TBCE: variants seen among roughly 807,000 people sequenced by gnomAD.
The protein encoded by TBCE is tubulin-specific chaperone E.
A neutral mutation model predicts 77.0 loss-of-function variants in TBCE; 53 were observed. The observed-to-expected ratio is 0.69, with a 90% CI of 0.55 to 0.87. The LOEUF (loss-of-function observed/expected upper bound fraction) is 0.87. TBCE is among the 40% of genes least tolerant of loss of function. The pLI is 0.00. For missense variants in TBCE, 624 were observed against 622.4 expected, an observed-to-expected ratio of 1.00 and a Z score of -0.03; for synonymous variants, 235 against 241.3, an observed-to-expected ratio of 0.97 and a Z score of 0.24.
At position 235,438,718 on chromosome 1, in the gene TBCE, T is replaced by C. The variant is rs746339857; in HGVS notation, c.1117-51T>C. ...GACAAGGTGCAAAACGCAAAGGACA[T>C]GTTAGAAAAAAGCTTTGTAATAGGC... On this transcript the variant is annotated intron_variant, in intron 12 of 16. Transcript: ENST00000642610. 11 of 1,612,708 alleles carry C rather than the reference T, an allele frequency of 6.8e-6. No homozygotes were observed. The South Asian group carries it at 1.1e-4, about 16-fold the overall frequency.
chr1:235,410,303 C>T (rs758019808), intron 3 of TBCE, among the ~76,000 whole-genome samples: 16 of 152,078 alleles, frequency 1.1e-4, no homozygotes, highest in Admixed American at 2.6e-4. Flanking sequence ...AGAACAGTCC[C>T]GAGGACTGCT....
At chr1:235,408,161 C>G (rs1171110178) in intron 3 of TBCE, among the ~76,000 whole-genome samples, 2 of 152,088 alleles carry the variant, frequency 1.3e-5, no homozygotes, top group Non-Finnish European at 2.9e-5. Flanking sequence ...AGAAACAAAG[C>G]CCTAGCAATA....
chr1:235,442,961 G>A (rs779162506), intron 15 of TBCE, 50 bp downstream of exon 15: 3 of 1,587,408 alleles, frequency 1.9e-6, no homozygotes, highest in Non-Finnish European at 8.6e-7. Flanking sequence ...CATCGGCCTA[G>A]GTATGAGTCA....
chr1:235,438,185 A>G (rs1681585756), intron 12 of TBCE, among the ~76,000 whole-genome samples: 1 of 152,236 alleles, frequency 6.6e-6, no homozygotes, highest in Non-Finnish European at 1.5e-5. Flanking sequence ...CTCCAGGCAG[A>G]CCTGGGGGAG....
chr1:235,411,526 T>TCTA (rs1214857124), intron 3 of TBCE, among the ~76,000 whole-genome samples: 3 of 152,174 alleles, frequency 2.0e-5, no homozygotes, highest in African/African-American at 7.2e-5. Context: ...AAGAGAGGGT[T>TCTA]CTAGGATCTT....
At chr1:235,410,434 G>T (rs537906581) in intron 3 of TBCE, among the ~76,000 whole-genome samples, 10 of 152,202 alleles carry the variant, frequency 6.6e-5, no homozygotes, top group Admixed American at 5.2e-4. Context: ...TTTGTAAACT[G>T]TCATGGTGCT....
chr1:235,434,365 ATT>A, intron 8 of TBCE, 85 bp downstream of exon 8: 1 of 1,225,846 alleles, frequency 8.2e-7, no homozygotes, highest in Non-Finnish European at 1.2e-6. Flanking sequence ...TCTAACCTTA[ATT>A]TTTAGAAGGA....
chr1:235,407,757 G>C (rs546561548), intron 3 of TBCE, among the ~76,000 whole-genome samples: 2 of 152,194 alleles, frequency 1.3e-5, no homozygotes, highest in African/African-American at 2.4e-5. Flanking sequence ...CCAGTCACCC[G>C]TGTCCTTCCT....
intron 5 of TBCE, among the ~76,000 whole-genome samples, chr1:235,425,859 CCT>C (rs895853390): frequency 1.2e-4 from 18 of 152,094 alleles, no homozygotes; most frequent in African/African-American, 4.1e-4. Context: ...GCTCAGATGC[CCT>C]CTTAGAGGAG....
In TBCE at chr1:235,442,903, A is replaced by T. The variant is rs1452158703; in HGVS notation, c.1391A>T (p.Gln464Leu). The change falls in exon 15 of 17, where the codon CAA (glutamine) becomes CTA (leucine). Residue 464 changes from glutamine to leucine, a missense_variant. Transcript: ENST00000642610. ...HQLDQKVLEK[Q>L]LPGSMTIQKV... ...CTTGATCAGAAAGTCCTGGAGAAAC[A>T]ACTGCCGGGTAAGAAGAACCAGCCT... is the stretch of plus-strand genomic sequence containing the variant. The T allele has an allele frequency of 5.0e-6, 8 of 1,614,144 alleles. No homozygotes were observed. The South Asian group carries it at 7.7e-5, about 16-fold the overall frequency.
At chr1:235,401,641 C>T in intron 3 of TBCE, 54 bp downstream of exon 3, 1 of 1,429,142 alleles carries the variant, frequency 7.0e-7, no homozygotes, top group Non-Finnish European at 9.9e-7. Flanking sequence ...ATATTTAATA[C>T]TTGAATAAGG....
intron 4 of TBCE, among the ~76,000 whole-genome samples, chr1:235,416,474 C>T (rs751263186): frequency 6.6e-6 from 1 of 151,840 alleles, no homozygotes; most frequent in Non-Finnish European, 1.5e-5. Flanking sequence ...TGCAGTGAGA[C>T]ATGATTGCAC....
At chr1:235,391,184 A>G (rs1678362085) in intron 2 of TBCE, among the ~76,000 whole-genome samples, 1 of 152,112 alleles carries the variant, frequency 6.6e-6, no homozygotes, top group Non-Finnish European at 1.5e-5. Flanking sequence ...AAAGGTTTCA[A>G]AAATATAGAA....
intron 3 of TBCE, among the ~76,000 whole-genome samples, chr1:235,402,690 T>A (rs1054328187): frequency 6.6e-6 from 1 of 152,146 alleles, no homozygotes; most frequent in African/African-American, 2.4e-5. Context: ...AGTGGCATGA[T>A]CATGACTCAC....
At position 235,449,768 on chromosome 1, in the gene TBCE, T is replaced by G. The variant is rs965498622; in HGVS notation, c.*1006T>G. ...ATCACACAGCATTCCTGTGAGTTCC[T>G]TTTTGTCTGATAATTATCCTAATTA... On this transcript the variant is annotated 3_prime_UTR_variant, in exon 17 of 17. Coordinates refer to ENST00000642610, the MANE Select transcript of TBCE (RefSeq NM_003193.5). 1 of 154,086 alleles carries G rather than the reference T, an allele frequency of 6.5e-6. No individual in the cohort carries two copies. The highest frequency in any genetic ancestry group is 2.4e-5 in the African/African-American group (1 of 41,418). 9.5% of individuals were successfully genotyped at this position (154,086 alleles called of 1,614,324 possible).
At chr1:235,401,355 GAGTATA>G in intron 2 of TBCE, 142 bp from the exon 3 acceptor site, 2 of 691,076 alleles carry the variant, frequency 2.9e-6, no homozygotes, top group Non-Finnish European at 5.3e-6. Flanking sequence ...TTGAAGTCCT[GAGTATA>G]AGGCTAACTT....
At chr1:235,432,389 G>A (rs1337878593) in intron 7 of TBCE, among the ~76,000 whole-genome samples, 3 of 152,208 alleles carry the variant, frequency 2.0e-5, no homozygotes, top group Non-Finnish European at 4.4e-5. Context: ...GGCCCCTTGT[G>A]CCCTTAATAT....
chr1:235,374,044 G>T (rs976243696), intron 1 of TBCE, among the ~76,000 whole-genome samples: 3 of 145,430 alleles, frequency 2.1e-5, no homozygotes, highest in Non-Finnish European at 4.5e-5. Context: ...GCATACCTTG[G>T]CTGACTGCAG....
intron 2 of TBCE, among the ~76,000 whole-genome samples, chr1:235,394,402 T>A (rs1678596668): frequency 6.9e-6 from 1 of 145,692 alleles, no homozygotes; most frequent in Admixed American, 7.0e-5. Flanking sequence ...AGACATTTGA[T>A]AATTTTTGAT....
Sources: gnomAD v4.1 joint callset for allele counts (sites outside exome capture counted in the v4.1 genomes callset) on GRCh38, gnomAD v4.1.1 for gene constraint, MANE v1.5 for transcripts, NCBI Gene and HGNC (gene_info 2026-07-23, HGNC 2026-07-21) for gene names.